The following SDK1 variants were observed in gnomAD, a reference collection of about 807,000 sequenced individuals.
SDK1 encodes protein sidekick-1.
In SDK1, 157 loss-of-function variants were observed where a neutral mutation model predicts 245.5. The ratio of observed to expected loss-of-function variants is 0.64; its 90% CI spans 0.56 to 0.73. The LOEUF (loss-of-function observed/expected upper bound fraction) is 0.73. SDK1 is among the 30% of genes least tolerant of loss of function. The pLI, the probability that SDK1 is intolerant of heterozygous loss-of-function variation, is 0.00. For synonymous variants in SDK1, 1,647 were observed against 1,278.5 expected (o/e 1.29, Z -6.15); for missense variants, 3,583 against 3,002.3 (o/e 1.19, Z -4.52).
chr7:3,521,074 G>A (rs1293653596), intron 1 of SDK1, among the ~76,000 whole-genome samples: 2 of 152,112 alleles, frequency 1.3e-5, no homozygotes, highest in African/African-American at 2.4e-5. Flanking sequence ...AATTGCCTGA[G>A]TTCAGTTTCT....
At position 3,301,839 on chromosome 7, in the gene SDK1, G is replaced by A. The variant is rs1422049630; in HGVS notation, c.253G>A (p.Ala85Thr). 4.4e-6 allele frequency: 5 copies of A among 1,130,140 alleles called. No homozygotes were observed. In the East Asian group the frequency reaches 1.8e-4, roughly 40 times the overall value. The allele number at this position is 1,130,140 out of a possible 1,614,324, so 70.0% of individuals were successfully genotyped here. A position where few individuals can be genotyped will look rare whatever the true frequency, so the allele number is the denominator to read the frequency against. The change falls in exon 1 of 45, where the codon GCG (alanine) becomes ACG (threonine). Residue 85 changes from alanine to threonine, a missense_variant. By Grantham distance (58) the Ala-to-Thr change is moderately conservative. Coordinates refer to ENST00000404826, the MANE Select transcript of SDK1 (RefSeq NM_152744.4). ...KLGPGRRGWW[A>T]LLALQLHLLR... is the part of the protein sequence containing the mutation. ...GGGGCCGGGCCGCCGCGGCTGGTGG[G>A]CGCTGCTGGCGCTGCAGCTGCACTT...
chr7:4,101,561 T>C (rs1782547553), intron 22 of SDK1, among the ~76,000 whole-genome samples: 1 of 152,122 alleles, frequency 6.6e-6, no homozygotes, highest in African/African-American at 2.4e-5. Flanking sequence ...AGAGAGGCTG[T>C]GGAGGAGACC....
intron 22 of SDK1, among the ~76,000 whole-genome samples, chr7:4,089,245 C>A (rs565451389): frequency 7.9e-5 from 12 of 152,300 alleles, no homozygotes; most frequent in African/African-American, 2.6e-4. Flanking sequence ...CCCTCATGGG[C>A]ATCTGCACAG....
chr7:3,713,022 G>A (rs140292060), intron 4 of SDK1, among the ~76,000 whole-genome samples: 1,742 of 152,266 alleles, frequency 0.011, 15 homozygotes, highest in Non-Finnish European at 0.016. Context: ...TAAGGGGATG[G>A]GCACCAAGGC....
chr7:4,242,186 G>A (rs1219569495), intron 43 of SDK1, among the ~76,000 whole-genome samples: 1 of 152,292 alleles, frequency 6.6e-6, no homozygotes, highest in South Asian at 2.1e-4. Context: ...ACACCCAGGG[G>A]CTGCCAGGCT....
At chr7:3,472,073 T>C (rs553213086) in intron 1 of SDK1, among the ~76,000 whole-genome samples, 1 of 152,300 alleles carries the variant, frequency 6.6e-6, no homozygotes, top group South Asian at 2.1e-4. Flanking sequence ...GCTGTGGTAT[T>C]GTTTGCAGGT....
chr7:3,338,589 A>C (rs1780264109), intron 1 of SDK1: 1 of 252,234 alleles, frequency 4.0e-6, no homozygotes, highest in Non-Finnish European at 7.6e-6. Flanking sequence ...TCTCCTATGA[A>C]TCCATGGCAT....
At chr7:4,215,030 C>T (rs911195278) in intron 38 of SDK1, among the ~76,000 whole-genome samples, 2 of 152,216 alleles carry the variant, frequency 1.3e-5, no homozygotes, top group African/African-American at 2.4e-5. Context: ...GGAAGGCCCT[C>T]CTCACCACAA....
At chr7:4,038,050 G>A (rs1036930180) in intron 17 of SDK1, among the ~76,000 whole-genome samples, 1 of 152,182 alleles carries the variant, frequency 6.6e-6, no homozygotes, top group African/African-American at 2.4e-5. Context: ...CTGGCACATA[G>A]GCTGCCCAGC....
At chr7:4,012,481 T>C (rs1786058254) in intron 16 of SDK1, among the ~76,000 whole-genome samples, 2 of 141,748 alleles carry the variant, frequency 1.4e-5, no homozygotes, top group Admixed American at 7.6e-5. Context: ...GGTGTCAGGG[T>C]AGCATTTTGG....
intron 1 of SDK1, among the ~76,000 whole-genome samples, chr7:3,480,721 T>G (rs1781494839): frequency 6.6e-6 from 1 of 152,204 alleles, no homozygotes; most frequent in East Asian, 1.9e-4. Flanking sequence ...TAAACTGTTT[T>G]GGAAAGCCAG....
intron 32 of SDK1, among the ~76,000 whole-genome samples, chr7:4,170,577 A>C (rs1299352232): frequency 6.6e-6 from 1 of 152,166 alleles, no homozygotes; most frequent in East Asian, 1.9e-4. Context: ...TGCTTTCATC[A>C]CGACACTGTC....
At chr7:3,340,658 G>A (rs1780323025) in intron 1 of SDK1, among the ~76,000 whole-genome samples, 1 of 151,794 alleles carries the variant, frequency 6.6e-6, no homozygotes, top group Non-Finnish European at 1.5e-5. Context: ...AGCTACTCAG[G>A]AGGCTGAGGC....
intron 5 of SDK1, among the ~76,000 whole-genome samples, chr7:3,908,152 C>G (rs573018435): frequency 4.6e-5 from 7 of 152,124 alleles, no homozygotes; most frequent in Non-Finnish European, 7.4e-5. Context: ...CCTGGAGTAA[C>G]GTGCTGAGGG....
chr7:4,033,613 C>T (rs1270522107), intron 17 of SDK1, among the ~76,000 whole-genome samples: 2 of 151,962 alleles, frequency 1.3e-5, no homozygotes, highest in African/African-American at 4.8e-5. Context: ...AGCTCTAAAA[C>T]AGAGAAGAAG....
intron 1 of SDK1, among the ~76,000 whole-genome samples, chr7:3,570,900 A>G (rs1241997767): frequency 6.7e-6 from 1 of 150,074 alleles, no homozygotes; most frequent in Non-Finnish European, 1.5e-5. Flanking sequence ...CTTTTCATGC[A>G]TGCTTCTTTA....
chr7:3,835,184 G>T (rs993509095), intron 5 of SDK1, among the ~76,000 whole-genome samples: 2 of 152,132 alleles, frequency 1.3e-5, no homozygotes, highest in African/African-American at 2.4e-5. Flanking sequence ...AGGTCACTCT[G>T]ACTCTAAAAT....
At chr7:3,533,323 G>T (rs1193810831) in intron 1 of SDK1, among the ~76,000 whole-genome samples, 1 of 152,106 alleles carries the variant, frequency 6.6e-6, no homozygotes, top group African/African-American at 2.4e-5. Context: ...TGAAAAGTTG[G>T]ATAAAAAGAC....
chr7:4,199,757 G>C (rs953024689), intron 35 of SDK1, among the ~76,000 whole-genome samples: 7 of 152,092 alleles, frequency 4.6e-5, no homozygotes, highest in African/African-American at 1.7e-4. Context: ...GGAGTGCTCT[G>C]CCTTTCTCTC....
Sources: gnomAD v4.1 joint callset for allele counts (sites outside exome capture counted in the v4.1 genomes callset) on GRCh38, gnomAD v4.1.1 for gene constraint, MANE v1.5 for transcripts, NCBI Gene and HGNC (gene_info 2026-07-23, HGNC 2026-07-21) for gene names.